The following ATXN8OS variants were observed in gnomAD, a reference collection of about 807,000 sequenced individuals.
ATXN8OS encodes the protein ATXN8 opposite strand lncRNA, also known as ATXN8 opposite strand (non-protein coding).
At chr13:70,120,405 T>C (rs9542179) in intron 2 of ATXN8OS, among the ~76,000 whole-genome samples, 109,852 of 151,986 alleles carry the variant, frequency 0.72, 39,972 homozygotes, top group South Asian at 0.85. Flanking sequence ...CAAGACCATC[T>C]AATATAGACA....
chr13:70,142,691 C>A (rs1164785197), intron 3 of ATXN8OS, among the ~76,000 whole-genome samples: 1 of 141,482 alleles, frequency 7.1e-6, no homozygotes, highest in East Asian at 2.2e-4. Context: ...ATATTCTGTA[C>A]CAGATTATCT....
At chr13:70,131,620 G>C in intron 3 of ATXN8OS, 1 of 396,594 alleles carries the variant, frequency 2.5e-6, no homozygotes. Flanking sequence ...ATTCTCCTCC[G>C]TGTTTAGAGC....
At chr13:70,121,398 C>T (rs893616007) in intron 2 of ATXN8OS, among the ~76,000 whole-genome samples, 2 of 151,860 alleles carry the variant, frequency 1.3e-5, no homozygotes, top group Non-Finnish European at 1.5e-5. Flanking sequence ...ATTCTATCTC[C>T]AATAGAAACT....
chr13:70,121,089 GC>G (rs1306323091), intron 2 of ATXN8OS, among the ~76,000 whole-genome samples: 1 of 151,654 alleles, frequency 6.6e-6, no homozygotes, highest in Admixed American at 6.6e-5. Context: ...AAAGAGAGAA[GC>G]CATCCTTGTC....
At chr13:70,159,366 A>G (rs1888975886) in intron 4 of ATXN8OS, among the ~76,000 whole-genome samples, 1 of 151,962 alleles carries the variant, frequency 6.6e-6, no homozygotes, top group Non-Finnish European at 1.5e-5. Flanking sequence ...TCCAATTCCT[A>G]TACTGTTGAG....
At chr13:70,137,945 C>T (rs1566605383) in intron 3 of ATXN8OS, among the ~76,000 whole-genome samples, 3 of 152,166 alleles carry the variant, frequency 2.0e-5, no homozygotes, top group South Asian at 4.1e-4. Flanking sequence ...GAAGAAAGCA[C>T]ATTTTACCAT....
At chr13:70,126,273 T>C (rs986770150) in intron 2 of ATXN8OS, among the ~76,000 whole-genome samples, 1 of 152,104 alleles carries the variant, frequency 6.6e-6, no homozygotes, top group Non-Finnish European at 1.5e-5. Context: ...AATACAAAGA[T>C]ACAAGTTTCA....
chr13:70,155,523 T>C (rs1043724403), intron 4 of ATXN8OS, among the ~76,000 whole-genome samples: 1 of 152,140 alleles, frequency 6.6e-6, no homozygotes, highest in Non-Finnish European at 1.5e-5. Flanking sequence ...AGGGAACACA[T>C]AAAAGCCTGT....
chr13:70,117,809 G>A (rs1236569426), intron 2 of ATXN8OS, among the ~76,000 whole-genome samples: 1 of 151,994 alleles, frequency 6.6e-6, no homozygotes, highest in Non-Finnish European at 1.5e-5. Context: ...AGATATTGAT[G>A]TTTACTTTGA....
exon 5 of ATXN8OS, among the ~76,000 whole-genome samples, chr13:70,170,560 A>C (rs988913875): frequency 1.3e-5 from 2 of 152,146 alleles, no homozygotes; most frequent in African/African-American, 4.8e-5. Context: ...TTATACTTGG[A>C]AACTTTAGAC....
chr13:70,131,129 G>A (rs41283984), intron 3 of ATXN8OS: 54 of 398,360 alleles, frequency 1.4e-4, no homozygotes, highest in Non-Finnish European at 1.6e-4. Flanking sequence ...GAATATCCAA[G>A]GGCACACACA....
intron 4 of ATXN8OS, among the ~76,000 whole-genome samples, chr13:70,166,544 C>T (rs1412226300): frequency 6.6e-6 from 1 of 151,560 alleles, no homozygotes. Flanking sequence ...AAATGTTAGA[C>T]CTAAAACCAT....
chr13:70,161,998 C>G (rs989301132), intron 4 of ATXN8OS, among the ~76,000 whole-genome samples: 1 of 150,556 alleles, frequency 6.6e-6, no homozygotes, highest in Non-Finnish European at 1.5e-5. Flanking sequence ...CTAAAAACAT[C>G]TATAAATTAA....
chr13:70,164,920 A>G (rs1310949078), intron 4 of ATXN8OS, among the ~76,000 whole-genome samples: 1 of 152,058 alleles, frequency 6.6e-6, no homozygotes, highest in Non-Finnish European at 1.5e-5. Context: ...AGGAAAAAGG[A>G]AAATAATAAC....
chr13:70,132,088 T>C (rs796669867), intron 3 of ATXN8OS, among the ~76,000 whole-genome samples: 3 of 152,254 alleles, frequency 2.0e-5, no homozygotes, highest in African/African-American at 4.8e-5. Context: ...CATGTTAAAA[T>C]TTTTAGTTCA....
At chr13:70,130,344 T>C (rs563178489) in intron 3 of ATXN8OS, among the ~76,000 whole-genome samples, 16 of 152,160 alleles carry the variant, frequency 1.1e-4, no homozygotes, top group Non-Finnish European at 1.9e-4. Context: ...AATGTGTATA[T>C]ATGGAAAAAT....
At chr13:70,111,465 G>A (rs1184543553) in intron 1 of ATXN8OS, among the ~76,000 whole-genome samples, 1 of 152,294 alleles carries the variant, frequency 6.6e-6, no homozygotes, top group South Asian at 2.1e-4. Flanking sequence ...TAAGCATGCT[G>A]TCTCAGGTCC....
At chr13:70,113,275 G>A (rs1406497873) in intron 1 of ATXN8OS, among the ~76,000 whole-genome samples, 1 of 151,448 alleles carries the variant, frequency 6.6e-6, no homozygotes, top group Non-Finnish European at 1.5e-5. Flanking sequence ...TTTATAGATT[G>A]AAAACAAATA....
At chr13:70,117,238 A>G (rs1305890691) in intron 2 of ATXN8OS, among the ~76,000 whole-genome samples, 1 of 152,056 alleles carries the variant, frequency 6.6e-6, no homozygotes, top group Admixed American at 6.6e-5. Flanking sequence ...ACACATACAC[A>G]TATGCACACA....
Sources: gnomAD v4.1 joint callset for allele counts (sites outside exome capture counted in the v4.1 genomes callset) on GRCh38, gnomAD v4.1.1 for gene constraint, MANE v1.5 for transcripts, NCBI Gene and HGNC (gene_info 2026-07-23, HGNC 2026-07-21) for gene names.